The following ACCSL variants were observed in gnomAD, a reference collection of about 807,000 sequenced individuals.
ACCSL encodes 1-aminocyclopropane-1-carboxylate synthase homolog (inactive) like, also known as probable inactive 1-aminocyclopropane-1-carboxylate synthase-like protein 2.
ACCSL carries 55 observed loss-of-function variants against 61.7 expected under a neutral mutation model. The ratio of observed to expected loss-of-function variants is 0.89; its 90% CI spans 0.72 to 1.12. The LOEUF is 1.12. ACCSL is among the 50% of genes most tolerant of loss of function. The probability of loss-of-function intolerance (pLI) is 0.00; values close to 1 mark genes in which losing one functional copy is unlikely to be tolerated. For synonymous variants in ACCSL, 258 were observed against 264.3 expected (o/e 0.98, Z 0.23); for missense variants, 632 against 698.0 (o/e 0.91, Z 1.07).
the ACCSL span, among the ~76,000 whole-genome samples, chr11:43,971,130 C>T: frequency 6.6e-6 from 1 of 151,944 alleles, no homozygotes; most frequent in South Asian, 2.1e-4. Context: ...GTCAGGAGTT[C>T]AAGACCAGCC....
upstream of ACCSL, chr11:44,047,846 G>A: frequency 7.5e-6 from 5 of 667,532 alleles, no homozygotes; most frequent in South Asian, 8.2e-5. Flanking sequence ...TAAAGAGTAG[G>A]TAACTCTTCA....
At chr11:44,028,917 T>G in the ACCSL span, among the ~76,000 whole-genome samples, 2 of 152,354 alleles carry the variant, frequency 1.3e-5, no homozygotes, top group East Asian at 1.9e-4. Context: ...TTGGAATGGA[T>G]GTGTCCTTTA....
the ACCSL span, among the ~76,000 whole-genome samples, chr11:43,931,758 G>A: frequency 1.3e-5 from 2 of 152,198 alleles, no homozygotes; most frequent in African/African-American, 2.4e-5. Context: ...CGTCCCCTGC[G>A]CGTCCCTTTA....
the ACCSL span, among the ~76,000 whole-genome samples, chr11:43,961,111 G>A: frequency 6.6e-6 from 1 of 152,128 alleles, no homozygotes; most frequent in Non-Finnish European, 1.5e-5. Flanking sequence ...GTGAGCCACC[G>A]CGCCTGGCTT....
At chr11:43,948,695 A>G in the ACCSL span, among the ~76,000 whole-genome samples, 1 of 152,026 alleles carries the variant, frequency 6.6e-6, no homozygotes, top group African/African-American at 2.4e-5. Flanking sequence ...GCTGGTCTTG[A>G]ACTCCTGGGC....
chr11:43,935,326 A>G, the ACCSL span, among the ~76,000 whole-genome samples: 6 of 146,538 alleles, frequency 4.1e-5, no homozygotes, highest in Admixed American at 4.1e-4. Flanking sequence ...CAAACAACCA[A>G]CCTGCAACCA....
rs1240209176 is a variant in ACCSL, at chr11:44,048,493, T to C, written c.457T>C (p.Tyr153His). ...SVFYQSSFQDYNAYQKDKYHK... is the reference protein window; with the variant it reads ...SVFYQSSFQDHNAYQKDKYHK... ...CTTTTATCAGTCGAGCTTCCAGGAC[T>C]ACAATGCCTACCAAAAAGATAAATA... The change falls in exon 1 of 14, where the codon TAC (tyrosine) becomes CAC (histidine). Residue 153 changes from tyrosine to histidine, a missense_variant. Coordinates refer to ENST00000378832, the MANE Select transcript of ACCSL (RefSeq NM_001031854.2). 5 of 1,602,300 alleles carry C rather than the reference T, an allele frequency of 3.1e-6. No homozygotes were observed. Among genetic ancestry groups the C allele is most frequent in the South Asian group, 2.2e-5 (2 of 90,854 alleles).
chr11:43,989,052 G>A, the ACCSL span, among the ~76,000 whole-genome samples: 8 of 152,046 alleles, frequency 5.3e-5, no homozygotes, highest in Admixed American at 3.3e-4. Context: ...TTTTCTTCAC[G>A]GGGAGCTGGT....
the ACCSL span, among the ~76,000 whole-genome samples, chr11:43,998,561 C>T: frequency 7.2e-5 from 11 of 152,250 alleles, no homozygotes; most frequent in African/African-American, 2.4e-4. Flanking sequence ...GGGCCAGGCA[C>T]CAACCAGATC....
the ACCSL span, among the ~76,000 whole-genome samples, chr11:43,935,335 C>A: frequency 5.9e-5 from 6 of 102,180 alleles, no homozygotes; most frequent in African/African-American, 2.3e-4. Flanking sequence ...AACCTGCAAC[C>A]AGGCTTCTGG....
the ACCSL span, among the ~76,000 whole-genome samples, chr11:43,992,088 G>A: frequency 8.7e-6 from 1 of 114,880 alleles, no homozygotes; most frequent in Non-Finnish European, 1.6e-5. Flanking sequence ...GTCTCACTCT[G>A]TTGCCCAGGC....
chr11:43,963,442 T>C, the ACCSL span, among the ~76,000 whole-genome samples: 1 of 152,196 alleles, frequency 6.6e-6, no homozygotes, highest in South Asian at 2.1e-4. Context: ...GCTCACAATC[T>C]CTTCTCCCTT....
the ACCSL span, among the ~76,000 whole-genome samples, chr11:43,981,019 A>G: frequency 1.3e-5 from 2 of 152,352 alleles, no homozygotes; most frequent in East Asian, 3.9e-4. Context: ...TAAACCGGAA[A>G]GAAGGATTTG....
the ACCSL span, among the ~76,000 whole-genome samples, chr11:44,025,607 T>C: frequency 6.8e-6 from 1 of 147,000 alleles, no homozygotes; most frequent in African/African-American, 2.5e-5. Context: ...AACATATCTT[T>C]GAACTGTTTT....
At chr11:43,959,519 CAGG>C in the ACCSL span, among the ~76,000 whole-genome samples, 1 of 152,208 alleles carries the variant, frequency 6.6e-6, no homozygotes, top group Admixed American at 6.5e-5. Flanking sequence ...TACGTCCAAC[CAGG>C]AGGATGTTCC....
chr11:43,947,450 C>T, the ACCSL span, among the ~76,000 whole-genome samples: 9 of 152,072 alleles, frequency 5.9e-5, no homozygotes, highest in South Asian at 2.1e-4. Context: ...CAAGGTGGCA[C>T]GCAGCTCCAA....
At chr11:43,923,029 A>AGCT in the ACCSL span, among the ~76,000 whole-genome samples, 4 of 152,304 alleles carry the variant, frequency 2.6e-5, no homozygotes, top group South Asian at 2.1e-4. Flanking sequence ...TTTGAGTCAC[A>AGCT]GCTAATAAAC....
the ACCSL span, among the ~76,000 whole-genome samples, chr11:44,018,097 C>T: frequency 6.6e-6 from 1 of 152,168 alleles, no homozygotes; most frequent in South Asian, 2.1e-4. Flanking sequence ...CATCAGGGAC[C>T]TTGAGCCACT....
At chr11:44,045,891 C>T (rs979275250), upstream of ACCSL, among the ~76,000 whole-genome samples, 1 of 152,164 alleles carries the variant, frequency 6.6e-6, no homozygotes, top group African/African-American at 2.4e-5. Flanking sequence ...TGTGTAATTC[C>T]AGTCCTGGGA....
Sources: allele counts gnomAD v4.1 joint callset (sites outside exome capture counted in the v4.1 genomes callset), GRCh38; gene constraint gnomAD v4.1.1; transcripts MANE v1.5; gene names NCBI Gene and HGNC (gene_info 2026-07-23, HGNC 2026-07-21).